Variants in SH3GL3 observed in about 807,000 individuals in gnomAD.
SH3GL3 encodes the protein SH3 domain containing GRB2 like 3, endophilin A3, also known as endophilin-A3.
SH3GL3 carries 33 observed loss-of-function variants against 47.7 expected under a neutral mutation model. The observed-to-expected ratio is 0.69, with a 90% CI of 0.52 to 0.92. The LOEUF is 0.92. Ranked by LOEUF, SH3GL3 falls within the 40% of genes least tolerant of loss-of-function variation. The probability of loss-of-function intolerance (pLI) is 0.00; values close to 1 mark genes in which losing one functional copy is unlikely to be tolerated. For missense variants in SH3GL3, 363 were observed against 417.8 expected (o/e 0.87, Z 1.14); for synonymous variants, 155 against 148.8 (o/e 1.04, Z -0.30).
At chr15:83,585,575 C>T (rs767453515) in intron 6 of SH3GL3, among the ~76,000 whole-genome samples, 8 of 152,184 alleles carry the variant, frequency 5.3e-5, no homozygotes, top group Non-Finnish European at 7.3e-5. Context: ...CTACTACGAT[C>T]GTGCTAGGCC....
chr15:83,499,016 G>C (rs1453782555), intron 1 of SH3GL3, among the ~76,000 whole-genome samples: 5 of 152,064 alleles, frequency 3.3e-5, no homozygotes, highest in Non-Finnish European at 7.3e-5. Flanking sequence ...CCTCCTTTAA[G>C]ATTCTGTTGA....
intron 1 of SH3GL3, among the ~76,000 whole-genome samples, chr15:83,469,376 A>G (rs1332296260): frequency 1.3e-5 from 2 of 151,890 alleles, no homozygotes; most frequent in East Asian, 1.9e-4. Context: ...GTTTATTTGC[A>G]TATTTTCCTT....
At chr15:83,612,752 T>C (rs2060702550) in intron 8 of SH3GL3, among the ~76,000 whole-genome samples, 1 of 152,162 alleles carries the variant, frequency 6.6e-6, no homozygotes. Flanking sequence ...CTTGTATCTC[T>C]TCTCTGGATG....
intron 6 of SH3GL3, among the ~76,000 whole-genome samples, chr15:83,583,434 T>C (rs2059884303): frequency 6.6e-6 from 1 of 152,214 alleles, no homozygotes; most frequent in Admixed American, 6.5e-5. Context: ...ATGCAGTCCT[T>C]TGAGCCATTC....
At chr15:83,588,815 C>T in intron 8 of SH3GL3, 44 bp downstream of exon 8, 1 of 1,023,234 alleles carries the variant, frequency 9.8e-7, no homozygotes, top group Non-Finnish European at 1.6e-6. Context: ...TTTAGTAAAG[C>T]ACTTCTAGAA....
chr15:83,488,119 G>C (rs140395744), intron 1 of SH3GL3: 2 of 152,022 alleles, frequency 1.3e-5, no homozygotes, highest in Non-Finnish European at 2.9e-5. Flanking sequence ...CTCGTGATCC[G>C]CCTGCCTCGG....
At chr15:83,509,368 G>A (rs1382361033) in intron 1 of SH3GL3, among the ~76,000 whole-genome samples, 2 of 152,166 alleles carry the variant, frequency 1.3e-5, no homozygotes, top group Non-Finnish European at 2.9e-5. Context: ...GATGAAGGAA[G>A]CTCGTAAGTT....
chr15:83,515,334 T>G (rs1358967092), intron 1 of SH3GL3, among the ~76,000 whole-genome samples: 1 of 152,190 alleles, frequency 6.6e-6, no homozygotes, highest in Non-Finnish European at 1.5e-5. Flanking sequence ...ATTGCCTGTG[T>G]CTTATTTTGT....
rs766883664 is a variant in SH3GL3 at position 83,618,270 on chromosome 15, G to C, written c.1027G>C (p.Val343Leu). 6.2e-7 allele frequency: 1 copy of C among 1,605,664 alleles called. No homozygotes were observed. Among genetic ancestry groups the C allele is most frequent in the African/African-American group, 1.3e-5 (1 of 74,886 alleles). The change falls in exon 9 of 9, where the codon GTG becomes CTG. Residue 343 changes from valine to leucine, a missense_variant. Val to Leu is a conservative substitution (Grantham distance 32). Coordinates refer to ENST00000427482, the MANE Select transcript of SH3GL3 (RefSeq NM_003027.5). Reference sequence around the variant, plus strand: ...CCCCATTAATTACGTGGAAGTGATCGTGCCTTTACCTCAGTAAATGTGTAA... The same window carrying C: ...CCCCATTAATTACGTGGAAGTGATCCTGCCTTTACCTCAGTAAATGTGTAA... ...FFPINYVEVI[V>L]PLPQ
chr15:83,526,093 T>C (rs2043409349), intron 1 of SH3GL3, among the ~76,000 whole-genome samples: 1 of 152,218 alleles, frequency 6.6e-6, no homozygotes, highest in South Asian at 2.1e-4. Context: ...TTGCACTGAA[T>C]ATGTAGATTG....
chr15:83,465,715 G>C (rs1028599385), intron 1 of SH3GL3, among the ~76,000 whole-genome samples: 10 of 151,956 alleles, frequency 6.6e-5, no homozygotes, highest in Admixed American at 6.6e-5. Context: ...ATCCAGTTGG[G>C]TGGATTATTT....
At chr15:83,472,217 T>G (rs552450967) in intron 1 of SH3GL3, among the ~76,000 whole-genome samples, 3 of 152,216 alleles carry the variant, frequency 2.0e-5, no homozygotes, top group Non-Finnish European at 2.9e-5. Flanking sequence ...GGCATTTACT[T>G]AGCTTCTTGG....
chr15:83,484,897 G>A (rs1001640984), intron 1 of SH3GL3, among the ~76,000 whole-genome samples: 4 of 152,094 alleles, frequency 2.6e-5, no homozygotes, highest in African/African-American at 7.2e-5. Flanking sequence ...GCCTTCTGTT[G>A]CGAACAACAA....
rs111977941 is a variant in SH3GL3 at position 83,561,920 on chromosome 15, G to A, written c.114+2599G>A. 5.4e-3 allele frequency among the ~76,000 whole-genome samples: 828 copies of A among 152,032 alleles called. 4 individuals are homozygous for A. Among genetic ancestry groups the A allele is most frequent in the Non-Finnish European group, 9.0e-3 (612 of 67,986 alleles). ...ACTAACCAAGATGCTGTCATACCAG[G>A]TTGACTTCACAAAAAATAATTTTTA... On this transcript the variant is annotated intron_variant, in intron 2 of 8. Transcript: ENST00000427482.
chr15:83,505,046 A>G (rs947814508), intron 1 of SH3GL3, among the ~76,000 whole-genome samples: 1 of 152,208 alleles, frequency 6.6e-6, no homozygotes, highest in Non-Finnish European at 1.5e-5. Flanking sequence ...CTATAGTTGC[A>G]TATAGCCAGC....
chr15:83,601,743 A>G (rs930750171), intron 8 of SH3GL3, among the ~76,000 whole-genome samples: 3 of 151,620 alleles, frequency 2.0e-5, no homozygotes, highest in African/African-American at 7.3e-5. Context: ...CTCTTTCTGT[A>G]TCTTGTAGAA....
At position 83,532,740 on chromosome 15, in the gene SH3GL3, A is replaced by G. The variant is rs149151605; in HGVS notation, c.46-26513A>G. On this transcript the variant is annotated intron_variant, in intron 1 of 8. Coordinates refer to ENST00000427482, the MANE Select transcript of SH3GL3 (RefSeq NM_003027.5). ...GGGAGGCTGCTGGTGTTTGTTCAAG[A>G]ACTTAATGATCATCAGGGTCTTCTT... 4.6e-3 allele frequency among the ~76,000 whole-genome samples: 706 copies of G among 152,292 alleles called. 9 individuals carry two copies. Among genetic ancestry groups the G allele is most frequent in the Non-Finnish European group, 4.5e-3 (305 of 68,020 alleles).
At chr15:83,489,837 CGATA>C (rs60233650) in intron 1 of SH3GL3, among the ~76,000 whole-genome samples, 22,732 of 144,528 alleles carry the variant, frequency 0.16, 1,935 homozygotes, top group East Asian at 0.35. Flanking sequence ...TGTCAGAAGC[CGATA>C]GATAGATAGA....
In SH3GL3 at chr15:83,576,642, A is replaced by C. The variant is rs1288484926; in HGVS notation, c.525A>C (p.Val175=). The part of the protein sequence containing the change: ...RLDYDYKKKR[V]GKIPDEEVRQ... ...ATTACGATTATAAAAAGAAACGAGTAGGTAAGATACCAGACGAAGAAGTCA... is the reference window on the plus strand; with the variant it reads ...ATTACGATTATAAAAAGAAACGAGTCGGTAAGATACCAGACGAAGAAGTCA... Residue 175 remains valine (V), a synonymous_variant, in exon 6 of 9, where the codon GTA becomes GTC. Transcript: ENST00000427482. The C allele has an allele frequency of 1.2e-6, 2 of 1,613,638 alleles. No individual in the cohort carries two copies. The highest frequency in any genetic ancestry group is 1.7e-6 in the Non-Finnish European group (2 of 1,179,762).
Sources: allele counts gnomAD v4.1 joint callset (sites outside exome capture counted in the v4.1 genomes callset), GRCh38; gene constraint gnomAD v4.1.1; transcripts MANE v1.5; gene names NCBI Gene and HGNC (gene_info 2026-07-23, HGNC 2026-07-21).